Variants in SNX4 observed in about 807,000 individuals in gnomAD.
SNX4 encodes sorting nexin 4.
In SNX4, 49 loss-of-function variants were observed where a neutral mutation model predicts 70.8. The ratio of observed to expected loss-of-function variants is 0.69; its 90% confidence interval spans 0.55 to 0.88. The LOEUF (loss-of-function observed/expected upper bound fraction) is 0.88, where lower values mean the gene tolerates loss of function less well. Ranked by LOEUF, SNX4 falls within the 40% of genes least tolerant of loss-of-function variation. The pLI is 0.00. For missense variants in SNX4, 528 were observed against 544.8 expected (o/e 0.97, Z 0.31); for synonymous variants, 206 against 183.8 (o/e 1.12, Z -0.98).
chr3:125,475,539 A>G (rs1032800429), intron 8 of SNX4, among the ~76,000 whole-genome samples: 11 of 152,040 alleles, frequency 7.2e-5, no homozygotes, highest in African/African-American at 2.7e-4. Flanking sequence ...TAATTTTTGT[A>G]TTTTTAGTAG....
At chr3:125,519,955 C>T in intron 1 of SNX4, 77 bp downstream of exon 1, 5 of 1,155,718 alleles carry the variant, frequency 4.3e-6, no homozygotes, top group Non-Finnish European at 3.5e-6. Context: ...CCCGGCCCAG[C>T]CCAGCCCAGC....
At chr3:125,458,017 TATACATAATTAC>T (rs932953093) in intron 10 of SNX4, among the ~76,000 whole-genome samples, 1 of 152,138 alleles carries the variant, frequency 6.6e-6, no homozygotes, top group Non-Finnish European at 1.5e-5. Context: ...TATACATATG[TATACATAATTAC>T]ATACATAATG....
At chr3:125,486,169 G>A (rs1398812402) in intron 6 of SNX4, among the ~76,000 whole-genome samples, 1 of 152,046 alleles carries the variant, frequency 6.6e-6, no homozygotes, top group East Asian at 1.9e-4. Flanking sequence ...GATGTACCTC[G>A]AGCTCCTTGA....
rs955277898 is a variant in SNX4 at position 125,484,815 on chromosome 3, A to C, written c.654-4496T>G. Among the ~76,000 whole-genome samples, 2 of 152,148 alleles carry C rather than the reference A, an allele frequency of 1.3e-5. 1 individual carries two copies. Among genetic ancestry groups the C allele is most frequent in the South Asian group, 4.2e-4 (2 of 4,816 alleles). On this transcript the variant is annotated intron_variant, in intron 6 of 13. Coordinates refer to ENST00000251775, the MANE Select transcript of SNX4 (RefSeq NM_003794.4). Reference sequence around the variant, plus strand: ...CTGGTGAGACCCTGTTTCTGCAAAAAGTACAAAAAATTAGCCAGGCCGGGT... The same window carrying C: ...CTGGTGAGACCCTGTTTCTGCAAAACGTACAAAAAATTAGCCAGGCCGGGT...
At chr3:125,456,737 T>C (rs1279044348) in intron 11 of SNX4, among the ~76,000 whole-genome samples, 1 of 152,238 alleles carries the variant, frequency 6.6e-6, no homozygotes, top group East Asian at 1.9e-4. Flanking sequence ...CTCGGGTCAC[T>C]GCAACCTCCG....
At chr3:125,449,600 G>A (rs1933524626) in intron 13 of SNX4, among the ~76,000 whole-genome samples, 1 of 152,042 alleles carries the variant, frequency 6.6e-6, no homozygotes, top group Non-Finnish European at 1.5e-5. Flanking sequence ...TACCATTCTT[G>A]GGAAACAAGG....
intron 11 of SNX4, among the ~76,000 whole-genome samples, chr3:125,455,620 A>G (rs540845351): frequency 2.6e-5 from 4 of 152,340 alleles, no homozygotes; most frequent in Admixed American, 2.6e-4. Flanking sequence ...CCAAGGGCCT[A>G]GTTTATACAT....
intron 6 of SNX4, among the ~76,000 whole-genome samples, chr3:125,481,040 C>T (rs1428824675): frequency 6.6e-6 from 1 of 152,152 alleles, no homozygotes; most frequent in Non-Finnish European, 1.5e-5. Flanking sequence ...ACAACACACC[C>T]AGCTATTAAC....
intron 13 of SNX4, 86 bp downstream of exon 13, chr3:125,451,218 GA>G (rs1297171479): frequency 4.6e-6 from 3 of 653,710 alleles, no homozygotes; most frequent in Non-Finnish European, 7.5e-6. Flanking sequence ...GAATAAAAAT[GA>G]AAAATTTTTT....
At chr3:125,451,637 T>C (rs1034389157) in intron 12 of SNX4, among the ~76,000 whole-genome samples, 3 of 152,180 alleles carry the variant, frequency 2.0e-5, no homozygotes, top group African/African-American at 7.2e-5. Context: ...ACTTTTTCTT[T>C]TTTTTTTGAG....
chr3:125,474,526 G>T (rs373035471), intron 8 of SNX4, among the ~76,000 whole-genome samples: 1 of 152,146 alleles, frequency 6.6e-6, no homozygotes, highest in East Asian at 1.9e-4. Context: ...ATGTTGCCAA[G>T]GCTTGTCTTG....
At chr3:125,457,206 C>T (rs915167052) in intron 11 of SNX4, 60 bp downstream of exon 11, 4 of 1,194,592 alleles carry the variant, frequency 3.3e-6, no homozygotes, top group African/African-American at 1.5e-5. Flanking sequence ...AGAGTGAGTG[C>T]TTGTGAGGAA....
At position 125,447,444 on chromosome 3, in the gene SNX4, A is replaced by G; in HGVS notation, c.*335T>C. ...AATTCCCTACATTAATAGATCTGAAACAGCTGGTCTTGAAACAAACATCTA... is the reference window on the plus strand; with the variant it reads ...AATTCCCTACATTAATAGATCTGAAGCAGCTGGTCTTGAAACAAACATCTA... On this transcript the variant is annotated 3_prime_UTR_variant, in exon 14 of 14. Transcript: ENST00000251775. The G allele has an allele frequency of 5.3e-6, 1 of 189,988 alleles. No individual in the cohort carries two copies. The highest frequency in any genetic ancestry group is 1.1e-5 in the Non-Finnish European group (1 of 93,822). 11.8% of individuals were successfully genotyped at this position (189,988 alleles called of 1,614,324 possible). A position where few individuals can be genotyped will look rare whatever the true frequency, so the allele number is the denominator to read the frequency against.
rs1248679510 is a variant in SNX4 at position 125,453,863 on chromosome 3, T to G, written c.1137A>C (p.Glu379Asp). 6.2e-7 allele frequency: 1 copy of G among 1,613,948 alleles called. No homozygotes were observed. The highest frequency in any genetic ancestry group is 8.5e-7 in the Non-Finnish European group (1 of 1,179,950). ...GTTGTTCTCCTTCATTTATTTGTTCTTCTAGCACCTTTATTCTGGCTTCTC... is the reference window on the plus strand; with the variant it reads ...GTTGTTCTCCTTCATTTATTTGTTCGTCTAGCACCTTTATTCTGGCTTCTC... ...EQREARIKVLEEQINEGEQQL... is the reference protein window; with the variant it reads ...EQREARIKVLDEQINEGEQQL... The change falls in exon 12 of 14, where the codon GAA (glutamate) becomes GAC (aspartate). Residue 379 changes from glutamate to aspartate, a missense_variant. Glu to Asp is a conservative substitution (Grantham distance 45). Transcript: ENST00000251775.
chr3:125,519,983 G>T, intron 1 of SNX4, 49 bp downstream of exon 1: 5 of 593,910 alleles, frequency 8.4e-6, no homozygotes, highest in Non-Finnish European at 1.3e-5. Flanking sequence ...AGCCCGGCCC[G>T]CTAGGCCACC....
intron 10 of SNX4, among the ~76,000 whole-genome samples, chr3:125,458,649 T>C (rs995466557): frequency 4.0e-5 from 6 of 150,262 alleles, no homozygotes; most frequent in African/African-American, 1.5e-4. Flanking sequence ...ACCCCGTCTC[T>C]ACTAAAAATA....
At chr3:125,484,567 TTC>T (rs1367959487) in intron 6 of SNX4, among the ~76,000 whole-genome samples, 1 of 152,144 alleles carries the variant, frequency 6.6e-6, no homozygotes, top group Non-Finnish European at 1.5e-5. Flanking sequence ...ATTCTCCATA[TTC>T]TTTAACATAC....
chr3:125,510,377 C>A (rs1427944914), intron 1 of SNX4, among the ~76,000 whole-genome samples: 1 of 151,646 alleles, frequency 6.6e-6, no homozygotes, highest in African/African-American at 2.4e-5. Flanking sequence ...ACTACAGGCG[C>A]CCGCCACACG....
chr3:125,468,474 G>A (rs1934086449), intron 9 of SNX4, among the ~76,000 whole-genome samples: 1 of 152,114 alleles, frequency 6.6e-6, no homozygotes, highest in South Asian at 2.1e-4. Flanking sequence ...GTTGAGATGG[G>A]AGAATCCCTT....
Sources: gnomAD v4.1 joint callset for allele counts (sites outside exome capture counted in the v4.1 genomes callset) on GRCh38, gnomAD v4.1.1 for gene constraint, MANE v1.5 for transcripts, NCBI Gene and HGNC (gene_info 2026-07-23, HGNC 2026-07-21) for gene names.